The following SLC71A1 variants were observed in gnomAD, a reference collection of about 807,000 sequenced individuals.
SLC71A1 encodes hippocampus abundant gene transcript 1.
At chr1:100,040,051 T>C in the SLC71A1 span, among the ~76,000 whole-genome samples, 1 of 152,214 alleles carries the variant, frequency 6.6e-6, no homozygotes, top group African/African-American at 2.4e-5. Flanking sequence ...ATGAAGACTT[T>C]TCTTGAGGGC....
At chr1:100,065,760 T>C in the SLC71A1 span, among the ~76,000 whole-genome samples, 4 of 151,324 alleles carry the variant, frequency 2.6e-5, no homozygotes, top group African/African-American at 4.9e-5. Flanking sequence ...CCCTTTCCCC[T>C]TTTCCTTTCT....
the SLC71A1 span, chr1:100,078,641 T>C: frequency 1.1e-6 from 1 of 882,628 alleles, no homozygotes; most frequent in Non-Finnish European, 1.8e-6. Context: ...TAAGTATATC[T>C]TCAGGGTAGA....
chr1:100,038,679 C>A, the SLC71A1 span, among the ~76,000 whole-genome samples: 2 of 152,234 alleles, frequency 1.3e-5, no homozygotes, highest in East Asian at 3.9e-4. Context: ...AGCCTCGCCT[C>A]GCCTTCGCCG....
chr1:100,054,525 G>A, the SLC71A1 span, among the ~76,000 whole-genome samples: 1 of 151,890 alleles, frequency 6.6e-6, no homozygotes, highest in African/African-American at 2.4e-5. Context: ...TTACCCTTTT[G>A]ACAGACCTAT....
At chr1:100,064,201 G>A in the SLC71A1 span, among the ~76,000 whole-genome samples, 1 of 152,204 alleles carries the variant, frequency 6.6e-6, no homozygotes, top group Non-Finnish European at 1.5e-5. Context: ...GAGTGCAGAG[G>A]TGTGATCTTG....
At chr1:100,082,414 TTTTG>T in the SLC71A1 span, 10 of 565,266 alleles carry the variant, frequency 1.8e-5, no homozygotes, top group Admixed American at 6.3e-5. Context: ...TTGAAAAACC[TTTTG>T]TTTATTAGCA....
the SLC71A1 span, among the ~76,000 whole-genome samples, chr1:100,062,713 G>T: frequency 6.6e-6 from 1 of 152,096 alleles, no homozygotes; most frequent in Non-Finnish European, 1.5e-5. Context: ...CTGATTCAAA[G>T]GACGTTATAG....
chr1:100,046,287 C>T, the SLC71A1 span, among the ~76,000 whole-genome samples: 25 of 118,170 alleles, frequency 2.1e-4, no homozygotes, highest in East Asian at 3.1e-4. Flanking sequence ...AGTGCAGTGG[C>T]GCAATCTTGG....
the SLC71A1 span, among the ~76,000 whole-genome samples, chr1:100,055,529 T>C: frequency 1.3e-5 from 2 of 152,012 alleles, no homozygotes; most frequent in African/African-American, 2.4e-5. Context: ...AGTAATTCTT[T>C]TCAATTAGAG....
At chr1:100,072,012 C>T in the SLC71A1 span, among the ~76,000 whole-genome samples, 1 of 152,268 alleles carries the variant, frequency 6.6e-6, no homozygotes, top group Non-Finnish European at 1.5e-5. Flanking sequence ...ATGACACACA[C>T]AGTCCATGAG....
the SLC71A1 span, among the ~76,000 whole-genome samples, chr1:100,054,937 G>A: frequency 6.6e-6 from 1 of 152,134 alleles, no homozygotes; most frequent in Non-Finnish European, 1.5e-5. Flanking sequence ...AGTTTGGAAG[G>A]GTTGGGGGTT....
the SLC71A1 span, chr1:100,059,955 A>G: frequency 1.9e-6 from 3 of 1,613,218 alleles, no homozygotes; most frequent in Middle Eastern, 1.7e-4. Flanking sequence ...TCTTGCTGCT[A>G]ACGGTGTTTT....
At chr1:100,060,136 C>G in the SLC71A1 span, 1 of 810,394 alleles carries the variant, frequency 1.2e-6, no homozygotes, top group African/African-American at 1.8e-5. Flanking sequence ...TACATTTATT[C>G]TTTCACACAG....
At chr1:100,061,936 T>C in the SLC71A1 span, 1 of 1,597,082 alleles carries the variant, frequency 6.3e-7, no homozygotes, top group Non-Finnish European at 8.6e-7. Context: ...GAAAGAAGTA[T>C]GGCTTATGGA....
the SLC71A1 span, among the ~76,000 whole-genome samples, chr1:100,056,811 G>A: frequency 2.0e-5 from 3 of 152,260 alleles, no homozygotes; most frequent in African/African-American, 7.2e-5. Flanking sequence ...CCCACCAACA[G>A]TGTATGAGTG....
the SLC71A1 span, among the ~76,000 whole-genome samples, chr1:100,071,501 A>C: frequency 2.6e-5 from 4 of 152,242 alleles, 1 homozygote; most frequent in Admixed American, 2.0e-4. Context: ...ATACACAGTT[A>C]GTATGTGTAG....
the SLC71A1 span, among the ~76,000 whole-genome samples, chr1:100,065,385 G>GAAACAGAATAAAATTCCAACATTAATC: frequency 6.6e-6 from 1 of 152,292 alleles, no homozygotes; most frequent in Admixed American, 6.5e-5. Flanking sequence ...AAATGGCATA[G>GAAACAGAATAAAATTCCAACATTAATC]AAACAGAATA....
the SLC71A1 span, among the ~76,000 whole-genome samples, chr1:100,078,175 A>T: frequency 6.6e-6 from 1 of 152,174 alleles, no homozygotes; most frequent in African/African-American, 2.4e-5. Flanking sequence ...ATAACCTCTC[A>T]ATTGCCTGTA....
chr1:100,057,896 A>G, the SLC71A1 span: 3 of 152,220 alleles, frequency 2.0e-5, no homozygotes, highest in Non-Finnish European at 4.4e-5. Context: ...TAATAGAAGC[A>G]TTAGTTTCTA....
Sources: gnomAD v4.1 joint callset for allele counts (sites outside exome capture counted in the v4.1 genomes callset) on GRCh38, gnomAD v4.1.1 for gene constraint, MANE v1.5 for transcripts, NCBI Gene and HGNC (gene_info 2026-07-23, HGNC 2026-07-21) for gene names.